Variants in MYBPHL observed in about 807,000 individuals in gnomAD.
MYBPHL encodes myosin binding protein H like, also known as myosin-binding protein H-like.
MYBPHL carries 32 observed loss-of-function variants against 39.5 expected under a neutral mutation model. The ratio of observed to expected loss-of-function variants is 0.81; its 90% CI spans 0.61 to 1.09. The LOEUF is 1.09. Ranked by LOEUF, MYBPHL falls within the 50% of genes least tolerant of loss-of-function variation. MYBPHL has a pLI of 0.00. For synonymous variants in MYBPHL, 196 were observed against 183.7 expected, an observed-to-expected ratio of 1.07 and a Z score of -0.54; for missense variants, 456 against 460.2, an observed-to-expected ratio of 0.99 and a Z score of 0.08.
At position 109,296,294 on chromosome 1, in the gene MYBPHL, G is replaced by A; in HGVS notation, c.807C>T (p.Asp269=). The A allele has an allele frequency of 1.9e-6, 3 of 1,614,158 alleles. No homozygotes were observed. Among genetic ancestry groups the A allele is most frequent in the Non-Finnish European group, 1.7e-6 (2 of 1,180,018 alleles). The change falls in exon 6 of 9, where the codon GAC becomes GAT. Residue 269 remains aspartate (D), a synonymous_variant. Coordinates refer to ENST00000357155, the MANE Select transcript of MYBPHL (RefSeq NM_001010985.3). ...TATTATAGCCGGTGACTGTAGTGCAGTCGGCCAGAGGCTGGGTAAACTTTG... is the reference window on the plus strand; with the variant it reads ...TATTATAGCCGGTGACTGTAGTGCAATCGGCCAGAGGCTGGGTAAACTTTG... ...EAPKFTQPLA[D]CTTVTGYNTQ... is the part of the protein sequence containing the mutation.
intron 8 of MYBPHL, among the ~76,000 whole-genome samples, chr1:109,293,377 G>GAGGATATGTCAT (rs1553186036): frequency 6.6e-6 from 1 of 152,200 alleles, no homozygotes; most frequent in Non-Finnish European, 1.5e-5. Context: ...TGCAGACATA[G>GAGGATATGTCAT]AGAGGATATG....
intron 1 of MYBPHL, among the ~76,000 whole-genome samples, chr1:109,302,515 C>T (rs769857204): frequency 1.3e-5 from 2 of 152,090 alleles, no homozygotes; most frequent in Non-Finnish European, 2.9e-5. Context: ...ACAGTCGTCC[C>T]CCTAGTGCTT....
chr1:109,292,904 A>G (rs1269659904), intron 8 of MYBPHL: 2 of 152,200 alleles, frequency 1.3e-5, no homozygotes, highest in Non-Finnish European at 2.9e-5. Flanking sequence ...TTTGTTCACA[A>G]CATAGCTAAT....
intron 8 of MYBPHL, 54 bp downstream of exon 8, chr1:109,294,152 A>C: frequency 8.3e-7 from 1 of 1,206,942 alleles, no homozygotes. Flanking sequence ...ACTCAACAAC[A>C]CTAGCCATAA....
intron 1 of MYBPHL, among the ~76,000 whole-genome samples, chr1:109,298,647 T>C (rs911604126): frequency 6.6e-6 from 1 of 152,138 alleles, no homozygotes; most frequent in African/African-American, 2.4e-5. Flanking sequence ...TTGTCCTTAA[T>C]ACCATTCCTT....
In MYBPHL at chr1:109,295,306, C is replaced by T. The variant is rs1246309237; in HGVS notation, c.868-9G>A. The T allele has an allele frequency of 6.2e-7, 1 of 1,612,494 alleles. No individual in the cohort carries two copies. Among genetic ancestry groups the T allele is most frequent in the South Asian group, 1.1e-5 (1 of 90,932 alleles). The stretch of plus-strand genomic sequence containing the variant: ...AGCCAGATGATCTTGGGCTGGAAGA[C>T]AAAGATGAGGGAGGCAGCAAGGAGG... On this transcript the variant is annotated splice_polypyrimidine_tract_variant and intron_variant, in intron 6 of 8. Transcript: ENST00000357155.
chr1:109,295,687 G>A (rs1052690582), intron 6 of MYBPHL, among the ~76,000 whole-genome samples: 2 of 152,232 alleles, frequency 1.3e-5, no homozygotes, highest in African/African-American at 4.8e-5. Context: ...TTAGAGAGTA[G>A]CTTCTAGAGT....
At position 109,298,339 on chromosome 1, in the gene MYBPHL, T is replaced by C. The variant is rs2101477417; in HGVS notation, c.146-82A>G. 5 of 1,272,628 alleles carry C rather than the reference T, an allele frequency of 3.9e-6. No homozygotes were observed. The South Asian group carries it at 6.4e-5, about 16-fold the overall frequency. The allele number at this position is 1,272,628 out of a possible 1,614,324, so 78.8% of individuals were successfully genotyped here. On this transcript the variant is annotated intron_variant, in intron 1 of 8. Transcript: ENST00000357155. ...CATCCAGCTGCCTGCTGTGGGTGAG[T>C]GGCCCAGGAATCGGTCACCAAATTA...
Position 109,296,859 on chromosome 1 carries a change from A to G in MYBPHL, c.654T>C (p.Arg218=). ...GTCCGCACTGGTTTTCAGCAAAGAC[A>G]CGGAAGGCATAGGAGTTGCCGATGA... The part of the protein sequence containing the change: ...DLIIGNSYAF[R]VFAENQCGLS... The change falls in exon 5 of 9, where the codon CGT becomes CGC. Residue 218 remains arginine (R), a synonymous_variant. Transcript: ENST00000357155. 3 of 1,614,182 alleles carry G rather than the reference A, an allele frequency of 1.9e-6. No individual in the cohort carries two copies. The highest frequency in any genetic ancestry group is 2.5e-6 in the Non-Finnish European group (3 of 1,180,036).
Position 109,296,325 on chromosome 1 carries a change from T to A in MYBPHL, c.776A>T (p.Glu259Val). The part of the protein sequence containing the change: ...TKGFAQRDFS[E>V]APKFTQPLAD... ...CAGAGGCTGGGTAAACTTTGGGGCT[T>A]CAGAGAAGTCTCGTTGGGCAAACCC... Residue 259 changes from glutamate to valine, a missense_variant, in exon 6 of 9, where the codon GAA becomes GTA. Glu to Val is a moderately radical substitution (Grantham distance 121). Coordinates refer to ENST00000357155, the MANE Select transcript of MYBPHL (RefSeq NM_001010985.3). 6.2e-7 allele frequency: 1 copy of A among 1,614,102 alleles called. No individual in the cohort carries two copies. The highest frequency in any genetic ancestry group is 8.5e-7 in the Non-Finnish European group (1 of 1,179,996).
At chr1:109,299,068 T>G (rs1474937983) in intron 1 of MYBPHL, among the ~76,000 whole-genome samples, 4 of 152,232 alleles carry the variant, frequency 2.6e-5, no homozygotes, top group Admixed American at 2.6e-4. Flanking sequence ...CCTCTTGGGA[T>G]GCCTCACACT....
intron 1 of MYBPHL, among the ~76,000 whole-genome samples, chr1:109,306,104 A>T (rs592107): frequency 0.7 from 106,310 of 152,034 alleles, 37,704 homozygotes; most frequent in East Asian, 0.96. Context: ...GTGTTTCTTG[A>T]TTGTGGTCTT....
intron 1 of MYBPHL, among the ~76,000 whole-genome samples, chr1:109,304,607 G>A (rs1047124760): frequency 2.6e-5 from 4 of 152,182 alleles, no homozygotes; most frequent in African/African-American, 9.7e-5. Context: ...GGGATTGGAG[G>A]AGGTCCTGAC....
chr1:109,297,679 G>T, intron 2 of MYBPHL, 62 bp from the exon 3 acceptor site: 1 of 1,470,294 alleles, frequency 6.8e-7, no homozygotes, highest in South Asian at 1.3e-5. Context: ...CCCTGCTGCT[G>T]TAGGGGTCCT....
chr1:109,297,835 T>C (rs1478931028), intron 2 of MYBPHL, among the ~76,000 whole-genome samples: 2 of 152,174 alleles, frequency 1.3e-5, no homozygotes, highest in African/African-American at 4.8e-5. Context: ...TCCCAATCTC[T>C]GAGAGCTTAG....
chr1:109,295,140 G>T lies in MYBPHL; in HGVS notation c.1025C>A (p.Ala342Glu), dbSNP rs1355640090. ...CACATCCACCCGACAGTCCACAGAT[G>T]CCTCCCCTAGGGGGTTCACCGCCTT... ...TCKAVNPLGE[A>E]SVDCRVDVKV... The change falls in exon 7 of 9, where the codon GCA (alanine) becomes GAA (glutamate). Residue 342 changes from alanine to glutamate, a missense_variant. Transcript: ENST00000357155. 1 of 1,613,674 alleles carries T rather than the reference G, an allele frequency of 6.2e-7. No homozygotes were observed. Among genetic ancestry groups the T allele is most frequent in the African/African-American group, 1.3e-5 (1 of 75,014 alleles).
rs763406015 is a variant in MYBPHL at position 109,294,264 on chromosome 1, A to G, written c.1055-15T>C. The stretch of plus-strand genomic sequence containing the variant: ...TCAATTAGGAACTGTAATAATTCGG[A>G]CATTTCTCAGTGTTAACATCTCAGA... On this transcript the variant is annotated splice_polypyrimidine_tract_variant and intron_variant, in intron 7 of 8. Transcript: ENST00000357155. The G allele has an allele frequency of 6.2e-7, 1 of 1,609,166 alleles. No individual in the cohort carries two copies.
chr1:109,300,181 G>C (rs1392707902), intron 1 of MYBPHL, among the ~76,000 whole-genome samples: 1 of 152,192 alleles, frequency 6.6e-6, no homozygotes, highest in Non-Finnish European at 1.5e-5. Context: ...GAGCAAGAGG[G>C]CTCCGAGAAA....
chr1:109,300,297 G>C (rs1658235943), intron 1 of MYBPHL, among the ~76,000 whole-genome samples: 1 of 152,232 alleles, frequency 6.6e-6, no homozygotes, highest in African/African-American at 2.4e-5. Flanking sequence ...CCCATTCTCA[G>C]AGCACTAGCT....
Sources: allele counts gnomAD v4.1 joint callset (sites outside exome capture counted in the v4.1 genomes callset), GRCh38; gene constraint gnomAD v4.1.1; transcripts MANE v1.5; gene names NCBI Gene and HGNC (gene_info 2026-07-23, HGNC 2026-07-21).